LRRC7: variants seen among roughly 807,000 people sequenced by gnomAD.
LRRC7 encodes leucine rich repeat containing 7, also known as leucine-rich repeat-containing protein 7.
LRRC7 carries 23 observed loss-of-function variants against 175.7 expected under a neutral mutation model. The ratio of observed to expected loss-of-function variants is 0.13; its 90% CI spans 0.09 to 0.19. The LOEUF is 0.19. Ranked by LOEUF, LRRC7 falls within the 10% of genes least tolerant of loss-of-function variation. The pLI, the probability that LRRC7 is intolerant of heterozygous loss-of-function variation, is 1.00. For missense variants in LRRC7, 1,354 were observed against 1,904.7 expected (o/e 0.71, Z 5.38); for synonymous variants, 685 against 680.9 (o/e 1.01, Z -0.09).
chr1:69,591,389 A>G (rs1485401285), intron 1 of LRRC7, among the ~76,000 whole-genome samples: 1 of 152,106 alleles, frequency 6.6e-6, no homozygotes, highest in Non-Finnish European at 1.5e-5. Flanking sequence ...GGTGGGAATA[A>G]GAAGCTATTT....
intron 1 of LRRC7, among the ~76,000 whole-genome samples, chr1:69,627,314 C>A (rs371176586): frequency 5.9e-5 from 9 of 152,216 alleles, no homozygotes; most frequent in Non-Finnish European, 1.2e-4. Context: ...TTGCATTTCT[C>A]TGATGGCCAG....
chr1:69,642,352 C>CA (rs1435223114), intron 1 of LRRC7, among the ~76,000 whole-genome samples: 7 of 151,198 alleles, frequency 4.6e-5, no homozygotes, highest in African/African-American at 1.5e-4. Flanking sequence ...ATTCAAATAT[C>CA]AAAAAGTTAT....
chr1:69,805,099 C>T (rs1450759060), intron 4 of LRRC7, among the ~76,000 whole-genome samples: 1 of 151,668 alleles, frequency 6.6e-6, no homozygotes, highest in Non-Finnish European at 1.5e-5. Flanking sequence ...TGCACAGCAT[C>T]ATAGTGGGAA....
intron 1 of LRRC7, among the ~76,000 whole-genome samples, chr1:69,590,067 A>T (rs764798148): frequency 1.3e-5 from 2 of 152,160 alleles, no homozygotes; most frequent in Non-Finnish European, 2.9e-5. Context: ...AAGGAAGAAA[A>T]TGTAGGAAAA....
chr1:69,656,906 G>T (rs1656676138), intron 1 of LRRC7, among the ~76,000 whole-genome samples: 1 of 149,958 alleles, frequency 6.7e-6, no homozygotes, highest in Admixed American at 6.7e-5. Context: ...GAAGTATCAA[G>T]AAATAACTAC....
intron 1 of LRRC7, among the ~76,000 whole-genome samples, chr1:69,626,749 G>C (rs1405889428): frequency 1.5e-5 from 2 of 130,448 alleles, no homozygotes; most frequent in East Asian, 4.5e-4. Context: ...ACAGGCCCCG[G>C]TGTGTGATGT....
At chr1:69,817,202 T>C (rs1678699992) in intron 4 of LRRC7, among the ~76,000 whole-genome samples, 1 of 152,044 alleles carries the variant, frequency 6.6e-6, no homozygotes, top group African/African-American at 2.4e-5. Context: ...GCTCTACCCC[T>C]ACTTTTTATT....
rs1666514204 is a variant in LRRC7, at chr1:70,127,941, C to T, written c.*6054C>T. ...CTCTTCTCCTTTTTTGAAAAAAAGA[C>T]TTTTATGTGACTTTTTCTTTTCTTT... is the stretch of plus-strand genomic sequence containing the variant. On this transcript the variant is annotated 3_prime_UTR_variant, in exon 27 of 27. Coordinates refer to ENST00000651989, the MANE Select transcript of LRRC7 (RefSeq NM_001370785.2). Among the ~76,000 whole-genome samples, 1 of 151,984 alleles carries T rather than the reference C, an allele frequency of 6.6e-6. No individual in the cohort carries two copies.
chr1:69,924,812 C>G (rs1430664027), intron 7 of LRRC7, among the ~76,000 whole-genome samples: 1 of 152,056 alleles, frequency 6.6e-6, no homozygotes, highest in Non-Finnish European at 1.5e-5. Context: ...GCCTGATTGC[C>G]CTGGCCAGAA....
chr1:69,753,039 A>C (rs1399918074), intron 2 of LRRC7, among the ~76,000 whole-genome samples: 1 of 152,116 alleles, frequency 6.6e-6, no homozygotes, highest in Non-Finnish European at 1.5e-5. Context: ...TCTAATGTAT[A>C]CTGGACGGTG....
chr1:69,815,101 A>C (rs1339958684), intron 4 of LRRC7, among the ~76,000 whole-genome samples: 1 of 152,100 alleles, frequency 6.6e-6, no homozygotes, highest in African/African-American at 2.4e-5. Flanking sequence ...TGCAATCTAG[A>C]CTGTGTGCTC....
chr1:69,659,364 A>G (rs1418757670), intron 1 of LRRC7, among the ~76,000 whole-genome samples: 1 of 152,012 alleles, frequency 6.6e-6, no homozygotes, highest in Admixed American at 6.6e-5. Flanking sequence ...AAAATATTCA[A>G]AGATAAAATA....
At chr1:70,089,552 T>C (rs1016338376) in intron 24 of LRRC7, among the ~76,000 whole-genome samples, 175 bp from the exon 25 acceptor site, 7 of 152,210 alleles carry the variant, frequency 4.6e-5, no homozygotes, top group Admixed American at 3.3e-4. Flanking sequence ...AACTGATGCA[T>C]ATAGAAACAT....
intron 8 of LRRC7, among the ~76,000 whole-genome samples, chr1:69,959,732 C>T (rs1650853868): frequency 6.6e-6 from 1 of 151,974 alleles, no homozygotes; most frequent in Non-Finnish European, 1.5e-5. Context: ...AGTAGGGATA[C>T]TAACACAGAA....
At chr1:70,059,954 C>T (rs1661448506) in intron 23 of LRRC7, among the ~76,000 whole-genome samples, 1 of 151,824 alleles carries the variant, frequency 6.6e-6, no homozygotes, top group Non-Finnish European at 1.5e-5. Flanking sequence ...TAAGAAAAAT[C>T]ACCTCAACCT....
intron 21 of LRRC7, among the ~76,000 whole-genome samples, chr1:70,040,944 T>C (rs1219305090): frequency 1.3e-5 from 2 of 152,226 alleles, no homozygotes; most frequent in Non-Finnish European, 2.9e-5. Context: ...GAGAAACCTG[T>C]ACTCATTTTC....
At chr1:69,936,813 A>G (rs1173982933) in intron 8 of LRRC7, among the ~76,000 whole-genome samples, 1 of 152,136 alleles carries the variant, frequency 6.6e-6, no homozygotes, top group Non-Finnish European at 1.5e-5. Flanking sequence ...AAGTGAGAGC[A>G]TGTGGTATTT....
In LRRC7 at chr1:69,962,092, C is replaced by T. The variant is rs368556744; in HGVS notation, c.712-18287C>T. Among the ~76,000 whole-genome samples, 236 of 151,828 alleles carry T rather than the reference C, an allele frequency of 1.6e-3. 5 individuals are homozygous for T. The highest frequency in any genetic ancestry group is 3.6e-3 in the African/African-American group (147 of 41,406). ...AGAAAAATTTTGCAAACTATGCATCCGACAAAAGTCTAATATCCAGCATCT... is the reference window on the plus strand; with the variant it reads ...AGAAAAATTTTGCAAACTATGCATCTGACAAAAGTCTAATATCCAGCATCT... On this transcript the variant is annotated intron_variant, in intron 8 of 26. Transcript: ENST00000651989.
At chr1:69,717,777 AG>A (rs1665568744) in intron 2 of LRRC7, among the ~76,000 whole-genome samples, 1 of 16,940 alleles carries the variant, frequency 5.9e-5, no homozygotes, top group Non-Finnish European at 1.2e-4. Flanking sequence ...AAAAAAAGAA[AG>A]AAAGAAAGAA....
Sources: gnomAD v4.1 joint callset for allele counts (sites outside exome capture counted in the v4.1 genomes callset) on GRCh38, gnomAD v4.1.1 for gene constraint, MANE v1.5 for transcripts, NCBI Gene and HGNC (gene_info 2026-07-23, HGNC 2026-07-21) for gene names.